CHRM2: variants seen among roughly 807,000 people sequenced by gnomAD.
The protein encoded by CHRM2 is muscarinic acetylcholine receptor M2.
A neutral mutation model predicts 25.0 loss-of-function variants in CHRM2; 8 were observed. That is an observed-to-expected ratio of 0.32 (90% CI 0.19 to 0.58). CHRM2 has a LOEUF of 0.58. Ranked by LOEUF, CHRM2 falls within the 20% of genes least tolerant of loss-of-function variation. CHRM2 has a pLI of 0.88. For missense variants in CHRM2, 440 were observed against 567.1 expected, an observed-to-expected ratio of 0.78 and a Z score of 2.28; for synonymous variants, 202 against 205.7, an observed-to-expected ratio of 0.98 and a Z score of 0.15.
chr7:137,010,441 T>C (rs539085671), intron 3 of CHRM2, among the ~76,000 whole-genome samples: 2 of 152,208 alleles, frequency 1.3e-5, no homozygotes, highest in African/African-American at 4.8e-5. Flanking sequence ...TCTCATGAGA[T>C]TATGTTATTT....
intron 2 of CHRM2, among the ~76,000 whole-genome samples, chr7:136,983,890 C>T (rs1802658483): frequency 6.6e-6 from 1 of 152,198 alleles, no homozygotes; most frequent in South Asian, 2.1e-4. Context: ...TGGGAGATGT[C>T]TCCCCATCAG....
At chr7:136,938,397 G>A (rs979481841) in intron 2 of CHRM2, 2 of 1,575,436 alleles carry the variant, frequency 1.3e-6, no homozygotes, top group Non-Finnish European at 1.7e-6. Context: ...GCTGCTCCAG[G>A]AACCGTACCT....
intron 2 of CHRM2, among the ~76,000 whole-genome samples, chr7:136,922,118 A>G (rs1798481473): frequency 6.6e-6 from 1 of 151,976 alleles, no homozygotes; most frequent in South Asian, 2.1e-4. Flanking sequence ...GCCTCAACTG[A>G]CCCCTGGGAG....
At chr7:136,955,454 T>C (rs916091611) in intron 2 of CHRM2, among the ~76,000 whole-genome samples, 9 of 152,168 alleles carry the variant, frequency 5.9e-5, no homozygotes, top group Admixed American at 4.6e-4. Context: ...CCAATTCTAA[T>C]AGTAGAATAA....
chr7:136,999,666 G>A (rs967011036), intron 3 of CHRM2, among the ~76,000 whole-genome samples: 1 of 151,372 alleles, frequency 6.6e-6, no homozygotes, highest in African/African-American at 2.4e-5. Context: ...TTAAACAGAA[G>A]TCACACATGA....
intron 3 of CHRM2, among the ~76,000 whole-genome samples, chr7:137,000,080 T>C (rs1803883424): frequency 6.6e-6 from 1 of 152,098 alleles, no homozygotes; most frequent in South Asian, 2.1e-4. Flanking sequence ...TAAAGGTAAT[T>C]ATTTTTCTAC....
intron 2 of CHRM2, among the ~76,000 whole-genome samples, chr7:136,988,377 T>C (rs1275550855): frequency 6.6e-6 from 1 of 152,108 alleles, no homozygotes; most frequent in African/African-American, 2.4e-5. Flanking sequence ...CAAATTTGAG[T>C]CAGTAATTAC....
chr7:136,958,710 G>A lies in CHRM2; in HGVS notation c.-124-33477G>A, dbSNP rs148078039. On this transcript the variant is annotated intron_variant, in intron 2 of 3. Coordinates refer to ENST00000680005, the MANE Select transcript of CHRM2 (RefSeq NM_001006630.2). ...GAGCTAAAGCCATCCACCTGCCTCAGCCTCCCACAGTGCTGGGATTACAGG... is the reference window on the plus strand; with the variant it reads ...GAGCTAAAGCCATCCACCTGCCTCAACCTCCCACAGTGCTGGGATTACAGG... Among the ~76,000 whole-genome samples, 283 of 152,226 alleles carry A rather than the reference G, an allele frequency of 1.9e-3. 2 individuals carry two copies. Among genetic ancestry groups the A allele is most frequent in the African/African-American group, 6.5e-3 (272 of 41,544 alleles).
rs866152691 is a variant in CHRM2 at position 137,016,576 on chromosome 7, A to C, written c.*310A>C. ...GGGCTTCTGATTCTACAATTTTATC[A>C]GTCTCTGCACAAGAGGAATAACCTT... On this transcript the variant is annotated 3_prime_UTR_variant, in exon 4 of 4. Coordinates refer to ENST00000680005, the MANE Select transcript of CHRM2 (RefSeq NM_001006630.2). The C allele has an allele frequency of 9.4e-5, 34 of 361,836 alleles. No homozygotes were observed. The highest frequency in any genetic ancestry group is 1.7e-4 in the Non-Finnish European group (31 of 184,872). The allele number at this position is 361,836 out of a possible 1,614,324, so 22.4% of individuals were successfully genotyped here.
At chr7:136,985,131 C>T (rs1584878387) in intron 2 of CHRM2, among the ~76,000 whole-genome samples, 1 of 152,182 alleles carries the variant, frequency 6.6e-6, no homozygotes, top group South Asian at 2.1e-4. Context: ...CTGCAACACA[C>T]AGCACTGAGG....
At chr7:136,939,635 A>C (rs1287876028) in intron 2 of CHRM2, among the ~76,000 whole-genome samples, 1 of 152,218 alleles carries the variant, frequency 6.6e-6, no homozygotes, top group African/African-American at 2.4e-5. Flanking sequence ...TTTGGCTCTA[A>C]CAAAAAATAA....
intron 2 of CHRM2, among the ~76,000 whole-genome samples, chr7:136,877,472 A>G (rs1796094575): frequency 6.6e-6 from 1 of 152,070 alleles, no homozygotes; most frequent in South Asian, 2.1e-4. Flanking sequence ...CACAGATCAT[A>G]TATATCTTCA....
chr7:136,972,396 A>G (rs1359290154), intron 2 of CHRM2, among the ~76,000 whole-genome samples: 2 of 152,084 alleles, frequency 1.3e-5, no homozygotes, highest in South Asian at 2.1e-4. Flanking sequence ...ATTACTTTAT[A>G]TATCTTGTTT....
intron 2 of CHRM2, among the ~76,000 whole-genome samples, chr7:136,877,270 A>G (rs1055564311): frequency 6.6e-6 from 1 of 152,076 alleles, no homozygotes; most frequent in Admixed American, 6.6e-5. Flanking sequence ...AGACAGCTAT[A>G]GATTAAGAAG....
intron 2 of CHRM2, among the ~76,000 whole-genome samples, chr7:136,975,317 T>TA (rs896486472): frequency 6.6e-6 from 1 of 152,130 alleles, no homozygotes; most frequent in Non-Finnish European, 1.5e-5. Context: ...TTATGAACTC[T>TA]AAAAAAGTGG....
At chr7:136,887,370 T>C (rs1210792235) in intron 2 of CHRM2, among the ~76,000 whole-genome samples, 2 of 152,000 alleles carry the variant, frequency 1.3e-5, no homozygotes, top group African/African-American at 4.8e-5. Flanking sequence ...TAACAACACA[T>C]TGAGGAAATT....
chr7:136,956,229 G>T (rs566600531), intron 2 of CHRM2, among the ~76,000 whole-genome samples: 3 of 152,310 alleles, frequency 2.0e-5, no homozygotes, highest in Non-Finnish European at 2.9e-5. Flanking sequence ...GAATGGCATG[G>T]AATATAAAAT....
chr7:136,903,045 G>A (rs1173947959), intron 2 of CHRM2: 5 of 510,150 alleles, frequency 9.8e-6, no homozygotes, highest in Middle Eastern at 5.4e-4. Flanking sequence ...GGCCAGAGAT[G>A]GGAAATGAAT....
At chr7:136,939,788 T>C (rs1393002412) in intron 2 of CHRM2, among the ~76,000 whole-genome samples, 1 of 152,204 alleles carries the variant, frequency 6.6e-6, no homozygotes, top group East Asian at 1.9e-4. Flanking sequence ...AAATGGACAT[T>C]TGATGAAGCT....
Sources: allele counts gnomAD v4.1 joint callset (sites outside exome capture counted in the v4.1 genomes callset), GRCh38; gene constraint gnomAD v4.1.1; transcripts MANE v1.5; gene names NCBI Gene and HGNC (gene_info 2026-07-23, HGNC 2026-07-21).